SLC35F3: variants seen among roughly 807,000 people sequenced by gnomAD.
The protein encoded by SLC35F3 is solute carrier family 35 member F3, also known as putative thiamine transporter SLC35F3.
In SLC35F3, 25 loss-of-function variants were observed where a neutral mutation model predicts 49.9. The observed-to-expected ratio is 0.50, with a 90% CI of 0.37 to 0.70. The LOEUF is 0.70. Among genes scored for constraint, SLC35F3 ranks in the 30% least tolerant of loss-of-function variants. SLC35F3 has a pLI of 0.00. For missense variants in SLC35F3, 525 were observed against 639.8 expected, an observed-to-expected ratio of 0.82 and a Z score of 1.94; for synonymous variants, 275 against 265.4, an observed-to-expected ratio of 1.04 and a Z score of -0.35.
chr1:233,905,081 G>C lies in SLC35F3; in HGVS notation c.4G>C (p.Gly2Arg). 1.3e-6 allele frequency: 2 copies of C among 1,563,932 alleles called. No individual in the cohort carries two copies. The highest frequency in any genetic ancestry group is 1.7e-6 in the Non-Finnish European group (2 of 1,152,910). Residue 2 changes from glycine (G) to arginine (R), a missense_variant, in exon 1 of 8, where the codon GGG (glycine) becomes CGG (arginine). Transcript: ENST00000366618. M[G>R]IREFPSGAPR... ...CGGTCCCACTCTGTCTTTGCCTATG[G>C]GGATTCGAGAGTTTCCCAGCGGCGC...
At chr1:233,932,449 C>T (rs1047809772) in intron 2 of SLC35F3, among the ~76,000 whole-genome samples, 2 of 152,086 alleles carry the variant, frequency 1.3e-5, no homozygotes, top group African/African-American at 4.8e-5. Context: ...CAAAACCAAT[C>T]TGTGGTGATA....
chr1:234,156,342 C>A lies in SLC35F3; in HGVS notation c.284-75075C>A, dbSNP rs557874991. 5.9e-5 allele frequency among the ~76,000 whole-genome samples: 9 copies of A among 152,286 alleles called. No individual in the cohort carries two copies. The South Asian group carries it at 1.9e-3, about 32-fold the overall frequency. ...TCTGGAAGATAATTCCGCGATACGGCTGAAGCCTTTGTAAAGTGCACACAC... is the reference window on the plus strand; with the variant it reads ...TCTGGAAGATAATTCCGCGATACGGATGAAGCCTTTGTAAAGTGCACACAC... On this transcript the variant is annotated intron_variant, in intron 2 of 7. Transcript: ENST00000366618.
chr1:234,272,144 A>C (rs896298832), intron 3 of SLC35F3, among the ~76,000 whole-genome samples: 2 of 152,110 alleles, frequency 1.3e-5, no homozygotes, highest in Admixed American at 1.3e-4. Context: ...AAAGAAACAA[A>C]TGTGTGAAGA....
At chr1:233,991,447 A>G (rs896919721) in intron 2 of SLC35F3, among the ~76,000 whole-genome samples, 2 of 152,158 alleles carry the variant, frequency 1.3e-5, no homozygotes, top group African/African-American at 4.8e-5. Context: ...AAAAAAAAAG[A>G]AAAAGAAAAG....
At chr1:234,297,097 A>G (rs1181557018) in intron 3 of SLC35F3, among the ~76,000 whole-genome samples, 1 of 152,260 alleles carries the variant, frequency 6.6e-6, no homozygotes, top group East Asian at 1.9e-4. Context: ...TCAAAACTAC[A>G]GTGAGATACC....
chr1:234,267,502 G>A (rs1400238922), intron 3 of SLC35F3, among the ~76,000 whole-genome samples: 26 of 143,728 alleles, frequency 1.8e-4, no homozygotes, highest in African/African-American at 5.6e-4. Flanking sequence ...CTGGCCGGGC[G>A]GGGGGCTGAC....
intron 3 of SLC35F3, among the ~76,000 whole-genome samples, chr1:234,276,075 A>G (rs12037702): frequency 0.06 from 9,172 of 152,242 alleles, 320 homozygotes; most frequent in African/African-American, 0.098. Flanking sequence ...GGGAGAGGGT[A>G]GGTAGTTGCT....
chr1:234,302,171 T>G (rs545051069), intron 3 of SLC35F3, among the ~76,000 whole-genome samples: 30 of 152,084 alleles, frequency 2.0e-4, no homozygotes, highest in East Asian at 7.7e-4. Context: ...TGTTGTTGTT[T>G]TTTTTAAGAA....
chr1:234,143,024 C>T (rs1404498859), intron 2 of SLC35F3, among the ~76,000 whole-genome samples: 1 of 152,096 alleles, frequency 6.6e-6, no homozygotes, highest in African/African-American at 2.4e-5. Flanking sequence ...TATCCGTCAC[C>T]TCACTCAGTT....
chr1:234,245,315 C>T (rs961457523), intron 3 of SLC35F3, among the ~76,000 whole-genome samples: 6 of 152,234 alleles, frequency 3.9e-5, no homozygotes, highest in South Asian at 4.1e-4. Flanking sequence ...CTTTTTACAG[C>T]GGAATGGTAT....
chr1:234,125,812 T>A (rs1309307636), intron 2 of SLC35F3, among the ~76,000 whole-genome samples: 1 of 152,216 alleles, frequency 6.6e-6, no homozygotes, highest in African/African-American at 2.4e-5. Context: ...AGCTCCGGCA[T>A]ATACCTGCCT....
intron 2 of SLC35F3, among the ~76,000 whole-genome samples, chr1:233,941,648 C>T (rs1416457679): frequency 8.5e-5 from 13 of 152,120 alleles, no homozygotes; most frequent in Non-Finnish European, 1.8e-4. Flanking sequence ...GTCATAACTC[C>T]CCGATGATCA....
chr1:234,051,951 T>G (rs1351292422), intron 2 of SLC35F3, among the ~76,000 whole-genome samples: 1 of 152,242 alleles, frequency 6.6e-6, no homozygotes. Flanking sequence ...TTTATTGATT[T>G]GCGTATGTTG....
chr1:234,048,322 A>G (rs1015761861), intron 2 of SLC35F3, among the ~76,000 whole-genome samples: 16 of 152,194 alleles, frequency 1.1e-4, no homozygotes, highest in African/African-American at 3.9e-4. Context: ...AACAACAAAG[A>G]TGTGGTTGGA....
At chr1:234,280,750 C>T (rs760034428) in intron 3 of SLC35F3, among the ~76,000 whole-genome samples, 4 of 152,228 alleles carry the variant, frequency 2.6e-5, no homozygotes, top group Non-Finnish European at 4.4e-5. Context: ...ACCGCACAGT[C>T]ATCCTGACAG....
At chr1:234,203,438 C>T (rs774892911) in intron 2 of SLC35F3, among the ~76,000 whole-genome samples, 8 of 152,160 alleles carry the variant, frequency 5.3e-5, no homozygotes, top group Non-Finnish European at 8.8e-5. Context: ...TTTGGCCAGG[C>T]GCAAGGGCTC....
chr1:234,295,839 G>A (rs1040183297), intron 3 of SLC35F3, among the ~76,000 whole-genome samples: 1 of 152,190 alleles, frequency 6.6e-6, no homozygotes, highest in African/African-American at 2.4e-5. Flanking sequence ...GACTCTGACG[G>A]GCACCCTCAG....
intron 2 of SLC35F3, among the ~76,000 whole-genome samples, chr1:234,143,231 C>T (rs374266515): frequency 2.6e-5 from 4 of 151,860 alleles, no homozygotes; most frequent in African/African-American, 9.7e-5. Context: ...CCTGACTCTA[C>T]CTCTGGGAAC....
Position 233,927,535 on chromosome 1 carries a change from G to A in SLC35F3, c.283+21777G>A, listed in dbSNP as rs190621223. ...ATTTCCGTCCATTTTACTAAGAGACGCATTCTAATAATTTTATGTTAAATA... is the reference window on the plus strand; with the variant it reads ...ATTTCCGTCCATTTTACTAAGAGACACATTCTAATAATTTTATGTTAAATA... On this transcript the variant is annotated intron_variant, in intron 2 of 7. Coordinates refer to ENST00000366618, the MANE Select transcript of SLC35F3 (RefSeq NM_173508.4). 9.2e-5 allele frequency among the ~76,000 whole-genome samples: 14 copies of A among 152,142 alleles called. No homozygotes were observed. The East Asian group carries it at 9.6e-4, about 10-fold the overall frequency.
Sources: gnomAD v4.1 joint callset for allele counts (sites outside exome capture counted in the v4.1 genomes callset) on GRCh38, gnomAD v4.1.1 for gene constraint, MANE v1.5 for transcripts, NCBI Gene and HGNC (gene_info 2026-07-23, HGNC 2026-07-21) for gene names.